The following PROX1 variants were observed in gnomAD, a reference collection of about 807,000 sequenced individuals.
The protein encoded by PROX1 is prospero homeobox protein 1.
In PROX1, 7 loss-of-function variants were observed where a neutral mutation model predicts 58.8. The ratio of observed to expected loss-of-function variants is 0.12; its 90% CI spans 0.07 to 0.22. The LOEUF (loss-of-function observed/expected upper bound fraction) is 0.22, where lower values mean the gene tolerates loss of function less well. PROX1 is among the 10% of genes least tolerant of loss of function. The pLI is 1.00. For missense variants in PROX1, 675 were observed against 927.8 expected (o/e 0.73, Z 3.54); for synonymous variants, 350 against 358.3 (o/e 0.98, Z 0.26).
chr1:213,985,361 GGTT>G (rs1662798673), upstream of PROX1: 1 of 152,364 alleles, frequency 6.6e-6, no homozygotes, highest in Admixed American at 6.5e-5. Flanking sequence ...TAGCAAGAGA[GGTT>G]GCCAGGAGCC....
intron 2 of PROX1, among the ~76,000 whole-genome samples, chr1:213,999,891 G>A (rs1663429708): frequency 6.6e-6 from 1 of 152,172 alleles, no homozygotes; most frequent in Non-Finnish European, 1.5e-5. Flanking sequence ...TGGCTTGAAT[G>A]GTTTTTGTGC....
intron 2 of PROX1, 134 bp from the exon 3 acceptor site, chr1:214,005,031 A>G (rs574457228): frequency 1.7e-6 from 1 of 584,274 alleles, no homozygotes; most frequent in African/African-American, 1.9e-5. Context: ...TGCCATAGCC[A>G]GTGTCATATA....
At chr1:214,032,427 C>T (rs1404456259) in intron 4 of PROX1, among the ~76,000 whole-genome samples, 2 of 151,056 alleles carry the variant, frequency 1.3e-5, no homozygotes, top group African/African-American at 2.4e-5. Context: ...GATGGGGTCT[C>T]ACTGTCACCC....
chr1:214,029,470 A>G (rs1209211373), intron 4 of PROX1: 2 of 152,166 alleles, frequency 1.3e-5, no homozygotes, highest in Non-Finnish European at 2.9e-5. Context: ...CCCCTTTCAG[A>G]TGAGTGGAAG....
At chr1:214,024,604 C>T (rs1664391205) in intron 4 of PROX1, among the ~76,000 whole-genome samples, 2 of 152,168 alleles carry the variant, frequency 1.3e-5, no homozygotes, top group Non-Finnish European at 2.9e-5. Flanking sequence ...TTCCTAACAG[C>T]TTCTCCCTAG....
chr1:214,020,689 G>A (rs1037565932), intron 4 of PROX1, among the ~76,000 whole-genome samples: 1 of 152,148 alleles, frequency 6.6e-6, no homozygotes. Context: ...AGCATATTAT[G>A]AGCAGCTTTT....
At chr1:214,028,718 C>T (rs1664542190) in intron 4 of PROX1, among the ~76,000 whole-genome samples, 1 of 152,166 alleles carries the variant, frequency 6.6e-6, no homozygotes, top group African/African-American at 2.4e-5. Flanking sequence ...AATGAGAGGG[C>T]ACTGGAATAG....
chr1:213,989,340 G>C (rs1662935569), intron 1 of PROX1, among the ~76,000 whole-genome samples: 1 of 152,010 alleles, frequency 6.6e-6, no homozygotes, highest in South Asian at 2.1e-4. Flanking sequence ...TCGGGGGGTC[G>C]CGTGGCGGTG....
At chr1:213,986,880 C>G (rs1571788228), upstream of PROX1, among the ~76,000 whole-genome samples, 1 of 152,160 alleles carries the variant, frequency 6.6e-6, no homozygotes, top group East Asian at 1.9e-4. Flanking sequence ...GCCACATTAT[C>G]TAAAGAAATT....
chr1:214,035,140 A>G (rs1287614613), intron 4 of PROX1, among the ~76,000 whole-genome samples: 1 of 152,172 alleles, frequency 6.6e-6, no homozygotes, highest in Non-Finnish European at 1.5e-5. Context: ...TGAGTCAACA[A>G]TCCTCTGAGA....
intron 1 of PROX1, among the ~76,000 whole-genome samples, chr1:213,993,073 A>C (rs1340220354): frequency 1.3e-5 from 2 of 152,174 alleles, no homozygotes; most frequent in Non-Finnish European, 2.9e-5. Flanking sequence ...CTGCTATGTT[A>C]AGATATGCAT....
At chr1:213,993,601 T>G (rs1407355111) in intron 1 of PROX1, among the ~76,000 whole-genome samples, 1 of 152,218 alleles carries the variant, frequency 6.6e-6, no homozygotes, top group Non-Finnish European at 1.5e-5. Context: ...GTGATGCTAA[T>G]AAAGTGCTGT....
rs1052163330 is a variant in PROX1, at chr1:214,038,844, C to T, written c.*3010C>T. ...TATTTTGTGTCTTTTTAAAACAAAG[C>T]GGGAGAATACGTTTTTGAAGAAGAG... is the stretch of plus-strand genomic sequence containing the variant. On this transcript the variant is annotated 3_prime_UTR_variant, in exon 5 of 5. Transcript: ENST00000366958. 28 of 152,112 alleles carry T rather than the reference C, an allele frequency of 1.8e-4. 1 individual carries two copies. The East Asian group carries it at 2.3e-3, about 13-fold the overall frequency. The allele number at this position is 152,112 out of a possible 1,614,324, so 9.4% of individuals were successfully genotyped here.
In PROX1 at chr1:214,038,436, A is replaced by G. The variant is rs753048990; in HGVS notation, c.*2602A>G. 2.0e-5 allele frequency: 3 copies of G among 151,298 alleles called. No homozygotes were observed. Among genetic ancestry groups the G allele is most frequent in the Non-Finnish European group, 2.9e-5 (2 of 67,894 alleles). 9.4% of individuals were successfully genotyped at this position (151,298 alleles called of 1,614,324 possible). The stretch of plus-strand genomic sequence containing the variant: ...TCTTTCAAATCTTAGCTCAACTCTC[A>G]CCAAGTGAAAATTGGCTACTTGGGA... On this transcript the variant is annotated 3_prime_UTR_variant, in exon 5 of 5. Coordinates refer to ENST00000366958, the MANE Select transcript of PROX1 (RefSeq NM_001270616.2).
At chr1:213,989,278 C>T (rs1662931951) in intron 1 of PROX1, among the ~76,000 whole-genome samples, 1 of 151,786 alleles carries the variant, frequency 6.6e-6, no homozygotes, top group Non-Finnish European at 1.5e-5. Context: ...CTTCCGAGCT[C>T]CTGGACCCAG....
At chr1:214,017,314 G>A in intron 4 of PROX1, among the ~76,000 whole-genome samples, 1 of 152,140 alleles carries the variant, frequency 6.6e-6, no homozygotes, top group Non-Finnish European at 1.5e-5. Context: ...GGAGTTCTAT[G>A]ATCTATTTCC....
chr1:213,998,251 G>A lies in PROX1; in HGVS notation c.1716G>A (p.Ser572=). Residue 572 remains serine (S), a synonymous_variant, in exon 2 of 5, where the codon TCG becomes TCA. Transcript: ENST00000366958. ...LQDMSEISPY[S]GSAMQEGLSP... Reference sequence around the variant, plus strand: ...ATATGTCTGAAATATCACCTTATTCGGGAAGTGCAATATCCTTTTATTTTC... The same window carrying A: ...ATATGTCTGAAATATCACCTTATTCAGGAAGTGCAATATCCTTTTATTTTC... The A allele has an allele frequency of 4.5e-6, 7 of 1,558,302 alleles. No individual in the cohort carries two copies. Among genetic ancestry groups the A allele is most frequent in the Non-Finnish European group, 6.1e-6 (7 of 1,153,204 alleles).
intron 2 of PROX1, among the ~76,000 whole-genome samples, chr1:214,004,528 C>T (rs1315077508): frequency 6.6e-6 from 1 of 152,136 alleles, no homozygotes; most frequent in Non-Finnish European, 1.5e-5. Context: ...ACAGCCCCCT[C>T]CCTGTCCTCT....
rs1662873492 is a variant in PROX1, at chr1:213,988,069, T to A, written c.-482T>A. ...CCGGGTCCGCCTGCTCCCTCTCCGC[T>A]TCGCTCCTCTTCTCTTCTTTACCCT... On this transcript the variant is annotated 5_prime_UTR_variant, in exon 1 of 5. Transcript: ENST00000366958. 6.6e-6 allele frequency: 1 copy of A among 152,000 alleles called. No individual in the cohort carries two copies. Among genetic ancestry groups the A allele is most frequent in the Admixed American group, 6.6e-5 (1 of 15,228 alleles). 9.4% of individuals were successfully genotyped at this position (152,000 alleles called of 1,614,324 possible).
Sources: allele counts gnomAD v4.1 joint callset (sites outside exome capture counted in the v4.1 genomes callset), GRCh38; gene constraint gnomAD v4.1.1; transcripts MANE v1.5; gene names NCBI Gene and HGNC (gene_info 2026-07-23, HGNC 2026-07-21).